TECTA: variants seen among roughly 807,000 people sequenced by gnomAD.
TECTA encodes tectorin alpha.
Under a neutral mutation model 216.8 loss-of-function variants are expected in TECTA, and 128 were observed. The observed-to-expected ratio is 0.59, with a 90% CI of 0.51 to 0.68. The LOEUF is 0.68. Among genes scored for constraint, TECTA ranks in the 30% least tolerant of loss-of-function variants. The probability of loss-of-function intolerance (pLI) is 0.00; values close to 1 mark genes in which losing one functional copy is unlikely to be tolerated. For missense variants in TECTA, 2,551 were observed against 2,786.2 expected (o/e 0.92, Z 1.90); for synonymous variants, 1,089 against 1,117.1 (o/e 0.97, Z 0.50).
chr11:121,113,609 C>T lies in TECTA; in HGVS notation c.681C>T (p.Thr227=), dbSNP rs1480095477. The T allele has an allele frequency of 1.2e-6, 2 of 1,613,966 alleles. No homozygotes were observed. The highest frequency in any genetic ancestry group is 1.7e-5 in the Admixed American group (1 of 60,020). ...TCTTCAGCCTCCCGGGGTCAAGAAC[C>T]CCCGAGATCGTGAATATCCAGGAGA... ...TNFFSLPGSR[T]PEIVNIQETT... is the part of the protein sequence containing the mutation. Residue 227 remains threonine (T), a synonymous_variant, in exon 6 of 24, where the codon ACC becomes ACT. Coordinates refer to ENST00000392793, the MANE Select transcript of TECTA (RefSeq NM_005422.4). The surrounding 1 kb of genome is among the most constrained non-coding windows in gnomAD (Gnocchi z 4.2).
intron 23 of TECTA, 72 bp from the exon 24 acceptor site, chr11:121,190,633 CA>C: frequency 8.4e-7 from 1 of 1,189,120 alleles, no homozygotes. Context: ...CTGAGTGCTG[CA>C]AAGATGTCTG....
rs779796649 is a variant in TECTA, at chr11:121,137,880, G to A, written c.3401G>A (p.Ser1134Asn). The part of the protein sequence containing the change: ...LILCTTGSRP[S>N]SDSFPKFVVT... ...CTGTGCACCACAGGAAGCAGGCCAAGCTCAGACTCTTTCCCCAAGTTTGTT... is the reference window on the plus strand; with the variant it reads ...CTGTGCACCACAGGAAGCAGGCCAAACTCAGACTCTTTCCCCAAGTTTGTT... Residue 1134 changes from serine to asparagine, a missense_variant, in exon 11 of 24, where the codon AGC (serine) becomes AAC (asparagine). Around this residue, in one of 3 missense-constraint regions of TECTA, gnomAD observed 2,375 missense variants for 2,563.9 expected, o/e 0.93. Coordinates refer to ENST00000392793, the MANE Select transcript of TECTA (RefSeq NM_005422.4). 6.2e-7 allele frequency: 1 copy of A among 1,603,238 alleles called. No homozygotes were observed. Among genetic ancestry groups the A allele is most frequent in the Non-Finnish European group, 8.5e-7 (1 of 1,171,460 alleles).
intron 12 of TECTA, among the ~76,000 whole-genome samples, chr11:121,149,835 G>A (rs1028702781): frequency 3.9e-5 from 6 of 152,208 alleles, no homozygotes; most frequent in Non-Finnish European, 7.3e-5. Context: ...ATCATTTGGT[G>A]GGGAGCGAGA....
At chr11:121,172,394 T>C (rs2134201087) in intron 20 of TECTA, among the ~76,000 whole-genome samples, 1 of 151,788 alleles carries the variant, frequency 6.6e-6, no homozygotes, top group Admixed American at 6.5e-5. Flanking sequence ...TGTGTCCATG[T>C]GTTCTCATTG....
At chr11:121,150,886 C>T (rs1261019032) in intron 12 of TECTA, among the ~76,000 whole-genome samples, 3 of 152,052 alleles carry the variant, frequency 2.0e-5, no homozygotes, top group African/African-American at 7.2e-5. Flanking sequence ...CCTCATGATC[C>T]ACCTGCCTCG....
chr11:121,169,337 A>T (rs947030001), intron 20 of TECTA, among the ~76,000 whole-genome samples: 3 of 152,346 alleles, frequency 2.0e-5, no homozygotes, highest in Admixed American at 2.0e-4. Context: ...AAGTTAACCT[A>T]ATAGCCTATA....
chr11:121,137,396 C>T (rs764086283), intron 10 of TECTA, 25 bp from the exon 11 acceptor site: 11 of 1,613,736 alleles, frequency 6.8e-6, no homozygotes, highest in Non-Finnish European at 9.3e-6. Context: ...TTTCTCAAAC[C>T]CGTCTTCTCC....
intron 13 of TECTA, among the ~76,000 whole-genome samples, chr11:121,154,811 T>G (rs1168696491): frequency 1.3e-5 from 2 of 152,174 alleles, no homozygotes; most frequent in Non-Finnish European, 2.9e-5. Flanking sequence ...TGGCATCGAG[T>G]CCTTCAATAA....
At position 121,125,719 on chromosome 11, in the gene TECTA, G is replaced by T; in HGVS notation, c.1621G>T (p.Val541Leu). 6.2e-7 allele frequency: 1 copy of T among 1,613,296 alleles called. No homozygotes were observed. Among genetic ancestry groups the T allele is most frequent in the Non-Finnish European group, 8.5e-7 (1 of 1,179,290 alleles). ...CCCTCTGTGGGAGTGTGGCACTGTC[G>T]TGGACCCCACTGCTTTTGTGCACAG... ...DGPLWECGTV[V>L]DPTAFVHSCV... Residue 541 changes from valine to leucine, a missense_variant, in exon 8 of 24, where the codon GTG becomes TTG. Coordinates refer to ENST00000392793, the MANE Select transcript of TECTA (RefSeq NM_005422.4).
rs1451976818 is a variant in TECTA, at chr11:121,118,630, G to C, written c.1115G>C (p.Gly372Ala). The change falls in exon 7 of 24, where the codon GGT becomes GCT. Residue 372 changes from glycine to alanine, a missense_variant. By Grantham distance (60) the Gly-to-Ala change is moderately conservative. This residue lies in a region of TECTA where 2,375 missense variants were observed against 2,563.9 expected (regional missense o/e 0.93). Transcript: ENST00000392793. ...GAGGCCAAGAATGAACACCGCAGAGGTTCAGCCGTCTCCTGGGTGAAGGAG... is the reference window on the plus strand; with the variant it reads ...GAGGCCAAGAATGAACACCGCAGAGCTTCAGCCGTCTCCTGGGTGAAGGAG... ...SVEAKNEHRR[G>A]SAVSWVKELS... 2 of 1,613,958 alleles carry C rather than the reference G, an allele frequency of 1.2e-6. No homozygotes were observed. Among genetic ancestry groups the C allele is most frequent in the East Asian group, 4.5e-5 (2 of 44,898 alleles).
chr11:121,140,972 A>AG (rs1430860368), intron 11 of TECTA: 1 of 152,148 alleles, frequency 6.6e-6, no homozygotes, highest in African/African-American at 2.4e-5. Context: ...AACCCACAAT[A>AG]GGGGGTCATT....
intron 11 of TECTA, among the ~76,000 whole-genome samples, chr11:121,138,614 C>T (rs1008229871): frequency 1.3e-5 from 2 of 152,164 alleles, no homozygotes; most frequent in African/African-American, 4.8e-5. Flanking sequence ...CTCACTTGGG[C>T]TTCAACTCCC....
At chr11:121,183,104 CTG>C (rs1019678423) in intron 20 of TECTA, among the ~76,000 whole-genome samples, 1 of 152,134 alleles carries the variant, frequency 6.6e-6, no homozygotes, top group Non-Finnish European at 1.5e-5. Context: ...GTGTAGGACA[CTG>C]TGTGGGTTAG....
intron 13 of TECTA, 56 bp from the exon 14 acceptor site, chr11:121,157,785 G>A: frequency 6.2e-7 from 1 of 1,611,642 alleles, no homozygotes; most frequent in South Asian, 1.1e-5. Context: ...CTGGGCTTTC[G>A]GGTCCCCAGC....
chr11:121,146,804 G>A (rs978042933), intron 12 of TECTA, among the ~76,000 whole-genome samples: 3 of 152,158 alleles, frequency 2.0e-5, no homozygotes, highest in East Asian at 1.9e-4. Context: ...CATGCTAAGC[G>A]GTACTGTTAT....
chr11:121,146,027 A>C lies in TECTA; in HGVS notation c.4016A>C (p.Gln1339Pro). ...TCTTGCATCGATGGGGGCGCGGTGC[A>C]GACCGCCTGCAGCTGGCTGCAGAAC... ...FDSCIDGGAV[Q>P]TACSWLQNYA... is the part of the protein sequence containing the mutation. The change falls in exon 12 of 24, where the codon CAG becomes CCG. Residue 1339 changes from glutamine (Q) to proline (P), a missense_variant. Physicochemically the swap from Gln to Pro is moderately conservative, Grantham distance 76. Around this residue, in one of 3 missense-constraint regions of TECTA, gnomAD observed 2,375 missense variants for 2,563.9 expected, o/e 0.93. Coordinates refer to ENST00000392793, the MANE Select transcript of TECTA (RefSeq NM_005422.4). The C allele has an allele frequency of 6.2e-7, 1 of 1,614,034 alleles. No individual in the cohort carries two copies. Among genetic ancestry groups the C allele is most frequent in the Non-Finnish European group, 8.5e-7 (1 of 1,180,058 alleles).
chr11:121,125,709 T>C lies in TECTA; in HGVS notation c.1611T>C (p.Cys537=). 6.2e-7 allele frequency: 1 copy of C among 1,610,962 alleles called. No homozygotes were observed. The highest frequency in any genetic ancestry group is 8.5e-7 in the Non-Finnish European group (1 of 1,177,270). Residue 537 remains cysteine (C), a synonymous_variant, in exon 8 of 24, where the codon TGT becomes TGC. Transcript: ENST00000392793. ...LNKTDGPLWE[C]GTVVDPTAFV... The stretch of plus-strand genomic sequence containing the variant: ...AGACAGACGGCCCTCTGTGGGAGTG[T>C]GGCACTGTCGTGGACCCCACTGCTT...
intron 21 of TECTA, among the ~76,000 whole-genome samples, 172 bp from the exon 22 acceptor site, chr11:121,188,908 C>T (rs1293977395): frequency 6.6e-6 from 1 of 152,202 alleles, no homozygotes; most frequent in South Asian, 2.1e-4. Context: ...GTTCAACATA[C>T]AGCCTAGAGT....
chr11:121,160,706 G>A (rs781084913), intron 15 of TECTA, among the ~76,000 whole-genome samples: 3 of 152,094 alleles, frequency 2.0e-5, no homozygotes, highest in Non-Finnish European at 2.9e-5. Flanking sequence ...GAACTCTGAG[G>A]CCTTGACCAG....
Sources: allele counts gnomAD v4.1 joint callset (sites outside exome capture counted in the v4.1 genomes callset), GRCh38; gene constraint gnomAD v4.1.1; regional missense constraint gnomAD v4.1.1; non-coding constraint Gnocchi (gnomAD v3.1); transcripts MANE v1.5; gene names NCBI Gene and HGNC (gene_info 2026-07-23, HGNC 2026-07-21).